USF3: variants seen among roughly 807,000 people sequenced by gnomAD.
USF3 encodes the protein upstream transcription factor family member 3.
Under a neutral mutation model 157.5 loss-of-function variants are expected in USF3, and 29 were observed. That is an observed-to-expected ratio of 0.18 (90% CI 0.14 to 0.25). USF3 has a LOEUF of 0.25. Among genes scored for constraint, USF3 ranks in the 10% least tolerant of loss-of-function variants. USF3 has a pLI of 1.00. For synonymous variants in USF3, 893 were observed against 941.4 expected (o/e 0.95, Z 0.94); for missense variants, 2,381 against 2,667.6 (o/e 0.89, Z 2.37).
At chr3:113,681,387 T>A (rs1377994083) in intron 1 of USF3, among the ~76,000 whole-genome samples, 2 of 152,146 alleles carry the variant, frequency 1.3e-5, no homozygotes, top group African/African-American at 2.4e-5. Context: ...AGAAATTTTT[T>A]AATTTCCTTC....
rs1947324047 is a variant in USF3, at chr3:113,654,852, CAA to C, written c.*90_*91del. The C allele has an allele frequency of 7.3e-7, 1 of 1,371,782 alleles. No homozygotes were observed. 85.0% of individuals were successfully genotyped at this position (1,371,782 alleles called of 1,614,324 possible). ...AACTGATTATACAGACACACACACACAATCCTTCTCTTCATGTACATGTCTGT... is the reference window on the plus strand; with the variant it reads ...AACTGATTATACAGACACACACACACTCCTTCTCTTCATGTACATGTCTGT... On this transcript the variant is annotated 3_prime_UTR_variant, in exon 7 of 7. Coordinates refer to ENST00000316407, the MANE Select transcript of USF3 (RefSeq NM_001009899.4).
intron 4 of USF3, 167 bp from the exon 5 acceptor site, chr3:113,670,370 G>C (rs768389915): frequency 1.7e-6 from 1 of 592,604 alleles, no homozygotes; most frequent in Non-Finnish European, 3.0e-6. Context: ...AGGCCAAGGC[G>C]GGTGGATCAC....
At chr3:113,690,010 C>T (rs1295796322) in intron 1 of USF3, among the ~76,000 whole-genome samples, 1 of 152,170 alleles carries the variant, frequency 6.6e-6, no homozygotes, top group African/African-American at 2.4e-5. Flanking sequence ...AGAAAGCTAC[C>T]TTTCAACTCT....
At chr3:113,690,797 A>G (rs1339681844) in intron 1 of USF3, among the ~76,000 whole-genome samples, 1 of 152,178 alleles carries the variant, frequency 6.6e-6, no homozygotes, top group Non-Finnish European at 1.5e-5. Flanking sequence ...TCTGGACTCT[A>G]TCACTCTCGC....
intron 5 of USF3, among the ~76,000 whole-genome samples, chr3:113,666,774 G>A (rs765086865): frequency 6.6e-6 from 1 of 151,194 alleles, no homozygotes; most frequent in Non-Finnish European, 1.5e-5. Flanking sequence ...TTTTTTAGTA[G>A]AGATGAGGTT....
chr3:113,657,760 G>C lies in USF3; in HGVS notation c.3922C>G (p.Pro1308Ala), dbSNP rs1289298195. The change falls in exon 7 of 7, where the codon CCA (proline) becomes GCA (alanine). Residue 1308 changes from proline to alanine, a missense_variant. This residue lies in a region of USF3 where 1,435 missense variants were observed against 1,550.9 expected (regional missense o/e 0.93). Transcript: ENST00000316407. ...AGTGGCTCTTGAATCTGTGAATTTG[G>C]TATGGTACTAGTCATAGTATTTAGC... ...EQLNTMTSTIPNSQIQEPLLK... is the reference protein window; with the variant it reads ...EQLNTMTSTIANSQIQEPLLK... 6.8e-6 allele frequency: 11 copies of C among 1,614,154 alleles called. No individual in the cohort carries two copies. The highest frequency in any genetic ancestry group is 3.3e-5 in the Admixed American group (2 of 60,028).
At chr3:113,674,721 T>C (rs942971854) in intron 3 of USF3, 111 bp downstream of exon 3, 1 of 809,162 alleles carries the variant, frequency 1.2e-6, no homozygotes, top group Non-Finnish European at 2.2e-6. Context: ...AGTAATAATT[T>C]CCTCGGTATC....
chr3:113,655,868 T>G lies in USF3; in HGVS notation c.5814A>C (p.Pro1938=). 1.2e-6 allele frequency: 2 copies of G among 1,614,208 alleles called. No individual in the cohort carries two copies. Among genetic ancestry groups the G allele is most frequent in the Non-Finnish European group, 1.7e-6 (2 of 1,180,036 alleles). The change falls in exon 7 of 7, where the codon CCA becomes CCC. Residue 1938 remains proline, a synonymous_variant. Transcript: ENST00000316407. Reference sequence around the variant, plus strand: ...CAACCCCATGCATGTTGGTTGTGACTGGAGGGTTCATGTGGCCCTTGGTGG... The same window carrying G: ...CAACCCCATGCATGTTGGTTGTGACGGGAGGGTTCATGTGGCCCTTGGTGG... ...SHATKGHMNP[P]VTTNMHGVAR... is the part of the protein sequence containing the mutation.
intron 5 of USF3, among the ~76,000 whole-genome samples, chr3:113,667,863 T>TC (rs1947593868): frequency 1.5e-5 from 2 of 137,902 alleles, no homozygotes; most frequent in African/African-American, 5.4e-5. Context: ...TGAGACTGTC[T>TC]CAAAACAAAC....
intron 1 of USF3, among the ~76,000 whole-genome samples, chr3:113,691,585 T>C (rs1707685177): frequency 6.6e-6 from 1 of 152,180 alleles, no homozygotes; most frequent in African/African-American, 2.4e-5. Flanking sequence ...TGGGGCTAAC[T>C]AATAAGACTC....
At chr3:113,664,744 A>C (rs987028932) in intron 5 of USF3, among the ~76,000 whole-genome samples, 1 of 152,202 alleles carries the variant, frequency 6.6e-6, no homozygotes, top group Admixed American at 6.5e-5. Flanking sequence ...GGTGGAGGTT[A>C]CTTTGTGCAA....
At chr3:113,680,943 T>G (rs1707407759) in intron 1 of USF3, among the ~76,000 whole-genome samples, 1 of 152,294 alleles carries the variant, frequency 6.6e-6, no homozygotes, top group South Asian at 2.1e-4. Context: ...TTTCTTAAGA[T>G]GTACTGTTAG....
In USF3 at chr3:113,658,881, G is replaced by A. The variant is rs1344683172; in HGVS notation, c.2801C>T (p.Ala934Val). 1 of 1,614,208 alleles carries A rather than the reference G, an allele frequency of 6.2e-7. No homozygotes were observed. Among genetic ancestry groups the A allele is most frequent in the Non-Finnish European group, 8.5e-7 (1 of 1,180,036 alleles). Reference protein sequence around the residue: ...KPPSSLALSDAAKPCASANVL... With the variant: ...KPPSSLALSDVAKPCASANVL... ...ATTGGCTGAAGCGCAGGGTTTGGCA[G>A]CATCTGATAATGCTAAACTACTTGG... The change falls in exon 7 of 7, where the codon GCT (alanine) becomes GTT (valine). Residue 934 changes from alanine (A) to valine (V), a missense_variant. By Grantham distance (64) the Ala-to-Val change is moderately conservative. Transcript: ENST00000316407.
rs1947381229 is a variant in USF3, at chr3:113,657,271, GCT to G, written c.4409_4410del (p.Gln1470ProfsTer38). 1.4e-6 allele frequency: 1 copy of G among 716,392 alleles called. No homozygotes were observed. Among genetic ancestry groups the G allele is most frequent in the Non-Finnish European group, 2.0e-6 (1 of 504,222 alleles). 44.4% of individuals were successfully genotyped at this position (716,392 alleles called of 1,614,324 possible). A position where few individuals can be genotyped will look rare whatever the true frequency, so the allele number is the denominator to read the frequency against. On this transcript the variant is annotated frameshift_variant, in exon 7 of 7. Coordinates refer to ENST00000316407, the MANE Select transcript of USF3 (RefSeq NM_001009899.4). LOFTEE classifies it high-confidence loss of function. Reference sequence around the variant, plus strand: ...GCTTGTTGTTGTTGCTGTTGCTGCTGCTGCTGCTGCTGCTGCTGCTGCTGCTG... The same window carrying G: ...GCTTGTTGTTGTTGCTGTTGCTGCTGGCTGCTGCTGCTGCTGCTGCTGCTG... The part of the protein sequence containing the change: ...IKQQQQQQQQ[Q>X]QQQQQQQQAG...
intron 6 of USF3, among the ~76,000 whole-genome samples, chr3:113,663,145 T>C (rs190463876): frequency 2.9e-4 from 44 of 151,422 alleles, no homozygotes; most frequent in Admixed American, 1.2e-3. Flanking sequence ...GAAATAACGA[T>C]CATGACAGAA....
intron 5 of USF3, among the ~76,000 whole-genome samples, chr3:113,667,849 AGAGT>A (rs1947593635): frequency 6.6e-6 from 1 of 151,320 alleles, no homozygotes; most frequent in African/African-American, 2.4e-5. Flanking sequence ...CCTAGGCAAC[AGAGT>A]GAGACTGTCT....
intron 2 of USF3, among the ~76,000 whole-genome samples, chr3:113,677,059 G>T (rs1168782224): frequency 6.6e-6 from 1 of 152,142 alleles, no homozygotes; most frequent in Non-Finnish European, 1.5e-5. Context: ...AAGTAGACAT[G>T]AATGCAGGAA....
At chr3:113,687,454 T>C (rs1707583895) in intron 1 of USF3, among the ~76,000 whole-genome samples, 1 of 152,182 alleles carries the variant, frequency 6.6e-6, no homozygotes, top group African/African-American at 2.4e-5. Context: ...TGTCACTGCT[T>C]CCAAGCCTTC....
intron 1 of USF3, among the ~76,000 whole-genome samples, chr3:113,689,918 A>C (rs932904490): frequency 3.3e-5 from 5 of 152,122 alleles, no homozygotes; most frequent in Non-Finnish European, 7.3e-5. Flanking sequence ...CCAAGGCCCA[A>C]CAATCTCTTC....
Sources: allele counts gnomAD v4.1 joint callset (sites outside exome capture counted in the v4.1 genomes callset), GRCh38; gene constraint gnomAD v4.1.1; regional missense constraint gnomAD v4.1.1; transcripts MANE v1.5; gene names NCBI Gene and HGNC (gene_info 2026-07-23, HGNC 2026-07-21).